Variants in SLC15A1 observed in about 807,000 individuals in gnomAD.
The protein encoded by SLC15A1 is solute carrier family 15 member 1.
SLC15A1 carries 83 observed loss-of-function variants against 92.9 expected under a neutral mutation model. The ratio of observed to expected loss-of-function variants is 0.89; its 90% CI spans 0.75 to 1.07. The LOEUF is 1.07. Among genes scored for constraint, SLC15A1 ranks in the 50% least tolerant of loss-of-function variants. The pLI is 0.00. For missense variants in SLC15A1, 857 were observed against 880.1 expected (o/e 0.97, Z 0.33); for synonymous variants, 322 against 318.2 (o/e 1.01, Z -0.13).
intron 8 of SLC15A1, among the ~76,000 whole-genome samples, chr13:98,718,031 A>G (rs2088224427): frequency 6.7e-6 from 1 of 149,144 alleles, no homozygotes; most frequent in Non-Finnish European, 1.5e-5. Context: ...AAAGAATTCT[A>G]GTAGAAACAT....
At chr13:98,722,110 T>C (rs1477666740) in intron 5 of SLC15A1, among the ~76,000 whole-genome samples, 3 of 152,214 alleles carry the variant, frequency 2.0e-5, no homozygotes, top group Admixed American at 6.5e-5. Flanking sequence ...CCCCATCTAA[T>C]AATTTACCAT....
chr13:98,696,233 G>T (rs2088020062), intron 18 of SLC15A1, among the ~76,000 whole-genome samples: 1 of 116,514 alleles, frequency 8.6e-6, no homozygotes, highest in Non-Finnish European at 2.2e-5. Context: ...GGCCAATATG[G>T]TGAAACCCCG....
chr13:98,728,993 A>C (rs1209910026), intron 1 of SLC15A1, among the ~76,000 whole-genome samples: 3 of 147,034 alleles, frequency 2.0e-5, no homozygotes, highest in South Asian at 2.2e-4. Context: ...AAAAAAAAAA[A>C]AAAAAAAAAA....
intron 5 of SLC15A1, among the ~76,000 whole-genome samples, chr13:98,723,129 C>T (rs2088273096): frequency 6.6e-6 from 1 of 152,086 alleles, no homozygotes; most frequent in Non-Finnish European, 1.5e-5. Context: ...CAGAGAAGAA[C>T]ACCTCCCCAA....
chr13:98,744,280 C>CTTTTG (rs1215771032), intron 1 of SLC15A1, among the ~76,000 whole-genome samples: 1 of 136,438 alleles, frequency 7.3e-6, no homozygotes, highest in African/African-American at 2.7e-5. Context: ...ATCTCTTGGT[C>CTTTTG]TTTTGGAGGG....
Position 98,726,379 on chromosome 13 carries a change from T to A in SLC15A1, c.92A>T (p.Tyr31Phe). ...GCCAATACAGTTACCTCGCATTCCA[T>A]AGTAGGAAAATCTTTCGCAAAACTC... is the stretch of plus-strand genomic sequence containing the variant. ...VNEFCERFSY[Y>F]GMRAILILYF... The change falls in exon 3 of 23, where the codon TAT becomes TTT. Residue 31 changes from tyrosine to phenylalanine, a missense_variant. Coordinates refer to ENST00000376503, the MANE Select transcript of SLC15A1 (RefSeq NM_005073.4). 6.2e-7 allele frequency: 1 copy of A among 1,614,112 alleles called. No individual in the cohort carries two copies.
intron 7 of SLC15A1, 44 bp from the exon 8 acceptor site, chr13:98,719,364 T>C (rs2088236489): frequency 7.2e-7 from 1 of 1,379,412 alleles, no homozygotes. Context: ...GCATTGGTAA[T>C]GAGCATATAG....
intron 6 of SLC15A1, 85 bp downstream of exon 6, chr13:98,721,719 T>G: frequency 7.2e-7 from 1 of 1,382,780 alleles, no homozygotes; most frequent in Non-Finnish European, 1.0e-6. Context: ...AAGAATCCGA[T>G]GTAGAACAGA....
chr13:98,706,719 T>C (rs1356494267), intron 15 of SLC15A1, among the ~76,000 whole-genome samples: 2 of 152,192 alleles, frequency 1.3e-5, no homozygotes, highest in African/African-American at 4.8e-5. Context: ...TCCCCAGCCA[T>C]GTGGAACTGT....
chr13:98,698,418 G>A (rs2088040498), intron 18 of SLC15A1, among the ~76,000 whole-genome samples: 1 of 152,086 alleles, frequency 6.6e-6, no homozygotes, highest in Admixed American at 6.6e-5. Flanking sequence ...ATTTGTATTA[G>A]TAAGTTGTTT....
rs1197446125 is a variant in SLC15A1 at position 98,701,722 on chromosome 13, G to T, written c.1466+758C>A. On this transcript the variant is annotated intron_variant, in intron 18 of 22. Transcript: ENST00000376503. ...GTCTTGCTCTGTGGGCTAGGCTGGA[G>T]TGCAGCAGCACGATCTCAGCTCACT... is the stretch of plus-strand genomic sequence containing the variant. Among the ~76,000 whole-genome samples, 17 of 148,072 alleles carry T rather than the reference G, an allele frequency of 1.1e-4. 1 individual carries two copies. Among genetic ancestry groups the T allele is most frequent in the African/African-American group, 4.0e-4 (16 of 40,060 alleles).
chr13:98,726,475 A>AT, intron 2 of SLC15A1, 26 bp from the exon 3 acceptor site: 1 of 1,600,254 alleles, frequency 6.2e-7, no homozygotes, highest in South Asian at 1.1e-5. Context: ...CAAGCACAGG[A>AT]TTGAAATACA....
intron 4 of SLC15A1, among the ~76,000 whole-genome samples, chr13:98,724,991 G>T (rs1379674303): frequency 6.6e-6 from 1 of 152,202 alleles, no homozygotes; most frequent in African/African-American, 2.4e-5. Flanking sequence ...GGGACACTGG[G>T]GCAGATCCCT....
chr13:98,749,559 T>C (rs2139617888), intron 1 of SLC15A1, among the ~76,000 whole-genome samples: 1 of 152,276 alleles, frequency 6.6e-6, no homozygotes. Context: ...CCTATGATCC[T>C]ACGAAGGCTT....
At chr13:98,729,725 T>C (rs1386973030) in intron 1 of SLC15A1, among the ~76,000 whole-genome samples, 3 of 152,112 alleles carry the variant, frequency 2.0e-5, no homozygotes, top group Non-Finnish European at 4.4e-5. Context: ...CAAAGCCCTA[T>C]CCCACAATAA....
intron 18 of SLC15A1, among the ~76,000 whole-genome samples, chr13:98,693,667 T>C (rs1173170673): frequency 6.6e-6 from 1 of 152,246 alleles, no homozygotes; most frequent in Non-Finnish European, 1.5e-5. Context: ...TTCTGTGGGT[T>C]GTCCTTTCAA....
intron 7 of SLC15A1, chr13:98,720,549 C>T (rs993741477): frequency 2.0e-5 from 3 of 153,244 alleles, no homozygotes; most frequent in African/African-American, 7.2e-5. Context: ...ATCTTTATTT[C>T]ATAATCTAAT....
At chr13:98,738,041 AT>A (rs1488627446) in intron 1 of SLC15A1, among the ~76,000 whole-genome samples, 1 of 152,220 alleles carries the variant, frequency 6.6e-6, no homozygotes, top group East Asian at 1.9e-4. Flanking sequence ...TGCCCTAGGA[AT>A]TTGTGGAAGT....
At chr13:98,685,612 T>C (rs2087922935) in intron 22 of SLC15A1, among the ~76,000 whole-genome samples, 2 of 152,220 alleles carry the variant, frequency 1.3e-5, no homozygotes, top group South Asian at 2.1e-4. Context: ...CCCTTGATAG[T>C]AAAACACATA....
Sources: gnomAD v4.1 joint callset for allele counts (sites outside exome capture counted in the v4.1 genomes callset) on GRCh38, gnomAD v4.1.1 for gene constraint, MANE v1.5 for transcripts, NCBI Gene and HGNC (gene_info 2026-07-23, HGNC 2026-07-21) for gene names.